OR4N2: variants seen among roughly 807,000 people sequenced by gnomAD.
OR4N2 encodes the protein olfactory receptor family 4 subfamily N member 2, also known as olfactory receptor 4N2.
For synonymous variants in OR4N2, 141 were observed against 140.4 expected (o/e 1.00, Z -0.03); for missense variants, 307 against 377.6 (o/e 0.81, Z 1.55).
intron 1 of OR4N2, chr14:19,822,311 G>A (rs1224557993): frequency 6.6e-6 from 1 of 152,258 alleles, no homozygotes; most frequent in African/African-American, 2.4e-5. Flanking sequence ...TGACTGATAT[G>A]TATCATTTTC....
intron 1 of OR4N2, among the ~76,000 whole-genome samples, chr14:19,809,617 G>T (rs1442259236): frequency 6.6e-6 from 1 of 152,226 alleles, no homozygotes; most frequent in East Asian, 1.9e-4. Flanking sequence ...TAAGGCTACA[G>T]TAACCAAAAC....
intron 1 of OR4N2, among the ~76,000 whole-genome samples, chr14:19,812,933 T>C (rs1879338386): frequency 6.6e-6 from 1 of 152,274 alleles, no homozygotes. Context: ...TTGAATATAA[T>C]TTAATAAAAT....
At chr14:19,808,903 T>G (rs1879230587) in intron 1 of OR4N2, among the ~76,000 whole-genome samples, 1 of 152,036 alleles carries the variant, frequency 6.6e-6, no homozygotes, top group Non-Finnish European at 1.5e-5. Context: ...AACAGCATGC[T>G]ACTGGTACAG....
chr14:19,806,650 T>TTAGAG (rs199714250), intron 1 of OR4N2, among the ~76,000 whole-genome samples: 4 of 151,408 alleles, frequency 2.6e-5, no homozygotes, highest in Non-Finnish European at 5.9e-5. Context: ...ACTGATGGTA[T>TTAGAG]CATTAAGGCA....
At chr14:19,804,924 T>TTTAA (rs1343597703) in intron 1 of OR4N2, among the ~76,000 whole-genome samples, 5 of 152,370 alleles carry the variant, frequency 3.3e-5, no homozygotes, top group African/African-American at 1.2e-4. Flanking sequence ...TCTTGTTGAG[T>TTTAA]TTAACCCTTT....
intron 1 of OR4N2, among the ~76,000 whole-genome samples, chr14:19,816,808 T>C: frequency 6.6e-6 from 1 of 152,278 alleles, no homozygotes; most frequent in Non-Finnish European, 1.5e-5. Context: ...TTTTGCCCAT[T>C]CGGTATGATA....
At chr14:19,808,996 G>T (rs1422731673) in intron 1 of OR4N2, among the ~76,000 whole-genome samples, 3 of 152,114 alleles carry the variant, frequency 2.0e-5, no homozygotes, top group Non-Finnish European at 4.4e-5. Flanking sequence ...CTTCAACAAG[G>T]CTGACAGAAA....
At chr14:19,826,685 G>A (rs1216372868) in intron 1 of OR4N2, among the ~76,000 whole-genome samples, 6 of 152,390 alleles carry the variant, frequency 3.9e-5, no homozygotes, top group Non-Finnish European at 7.3e-5. Context: ...TGGGAACAGA[G>A]AAAGAAATGT....
chr14:19,805,214 G>T (rs1448533753), intron 1 of OR4N2, among the ~76,000 whole-genome samples: 2 of 152,178 alleles, frequency 1.3e-5, no homozygotes, highest in Non-Finnish European at 2.9e-5. Flanking sequence ...TTCAAGGTTA[G>T]ATTGTGTGTT....
At chr14:19,819,752 G>A (rs1225448085) in intron 1 of OR4N2, among the ~76,000 whole-genome samples, 1 of 152,334 alleles carries the variant, frequency 6.6e-6, no homozygotes, top group East Asian at 1.9e-4. Context: ...GTGATCCTTT[G>A]GAGAAGAGGT....
At chr14:19,804,786 G>A (rs1028039684) in intron 1 of OR4N2, among the ~76,000 whole-genome samples, 2 of 152,204 alleles carry the variant, frequency 1.3e-5, no homozygotes, top group Non-Finnish European at 2.9e-5. Flanking sequence ...AATACTGTCA[G>A]TGGGGTGTTG....
chr14:19,825,207 T>A (rs28590280), intron 1 of OR4N2, among the ~76,000 whole-genome samples: 41,757 of 148,556 alleles, frequency 0.28, 2,903 homozygotes, highest in African/African-American at 0.32. Flanking sequence ...ATGATGTGTC[T>A]AAGTATGACT....
At chr14:19,818,394 G>A (rs1879480616) in intron 1 of OR4N2, among the ~76,000 whole-genome samples, 1 of 152,216 alleles carries the variant, frequency 6.6e-6, no homozygotes, top group Admixed American at 6.5e-5. Context: ...ATTTGGGATA[G>A]TTAGCTTTTC....
In OR4N2 at chr14:19,828,171, C is replaced by A. The variant is rs751345369; in HGVS notation, c.723C>A (p.Ile241=). ...AAAACAAGGCCATGTCCACGTGCAT[C>A]ACCCATATCATTGTTATATTCTTCA... The part of the protein sequence containing the change: ...EAKNKAMSTC[I]THIIVIFFMF... The change falls in exon 2 of 2, where the codon ATC becomes ATA. Residue 241 remains isoleucine (I), a synonymous_variant. Coordinates refer to ENST00000557677, the MANE Select transcript of OR4N2 (RefSeq NM_001004723.3). 6.2e-7 allele frequency: 1 copy of A among 1,614,252 alleles called. No homozygotes were observed. The highest frequency in any genetic ancestry group is 1.1e-5 in the South Asian group (1 of 91,090).
At chr14:19,815,154 T>G (rs1189410257) in intron 1 of OR4N2, among the ~76,000 whole-genome samples, 1 of 152,256 alleles carries the variant, frequency 6.6e-6, no homozygotes, top group African/African-American at 2.4e-5. Context: ...GTCTTTATAG[T>G]AGAATGATTT....
Position 19,827,910 on chromosome 14 carries a change from C to A in OR4N2, c.462C>A (p.Val154=), listed in dbSNP as rs928989624. The A allele has an allele frequency of 1.2e-6, 2 of 1,614,088 alleles. No homozygotes were observed. The highest frequency in any genetic ancestry group is 2.7e-5 in the African/African-American group (2 of 74,916). Residue 154 remains valine (V), a synonymous_variant, in exon 2 of 2, where the codon GTC becomes GTA. Coordinates refer to ENST00000557677, the MANE Select transcript of OR4N2 (RefSeq NM_001004723.3). ...TGGCTCTGTGGCTTGGGGGTTTTGT[C>A]CACTCCATTATCCAGGTGGTCCTCA... ...MMLALWLGGF[V]HSIIQVVLIL... is the part of the protein sequence containing the mutation.
In OR4N2 at chr14:19,828,430, A is replaced by T. The variant is rs771913489; in HGVS notation, c.*58A>T. ...GACTGTAGAATTTTATCTGAAATTG[A>T]TTTGTTTATTTCCAAGTACTGCAAT... On this transcript the variant is annotated 3_prime_UTR_variant, in exon 2 of 2. Transcript: ENST00000557677. The T allele has an allele frequency of 1.1e-5, 16 of 1,435,532 alleles. No homozygotes were observed. The Admixed American group carries it at 3.9e-4, about 35-fold the overall frequency. The allele number at this position is 1,435,532 out of a possible 1,614,324, so 88.9% of individuals were successfully genotyped here.
In OR4N2 at chr14:19,826,692, ATGTGT is replaced by A. The variant is rs1296470556; in HGVS notation, c.-9-743_-9-739del. On this transcript the variant is annotated intron_variant, in intron 1 of 1. Transcript: ENST00000557677. ...TGTCACACTGGGAACAGAGAAAGAAATGTGTTGTGAGTTTATTAATATTTGAAACT... is the reference window on the plus strand; with the variant it reads ...TGTCACACTGGGAACAGAGAAAGAAATGTGAGTTTATTAATATTTGAAACT... Among the ~76,000 whole-genome samples the A allele has an allele frequency of 2.1e-4, 32 of 152,382 alleles. No individual in the cohort carries two copies. The East Asian group carries it at 5.8e-3, about 28-fold the overall frequency.
chr14:19,805,500 T>C (rs1214421625), intron 1 of OR4N2, among the ~76,000 whole-genome samples: 1 of 152,128 alleles, frequency 6.6e-6, no homozygotes, highest in East Asian at 1.9e-4. Flanking sequence ...ATCTCTGAGC[T>C]CAAAGACCGG....
Sources: allele counts gnomAD v4.1 joint callset (sites outside exome capture counted in the v4.1 genomes callset), GRCh38; gene constraint gnomAD v4.1.1; transcripts MANE v1.5; gene names NCBI Gene and HGNC (gene_info 2026-07-23, HGNC 2026-07-21).